The following DOP1A variants were observed in gnomAD, a reference collection of about 807,000 sequenced individuals.
DOP1A encodes protein DOP1A.
A neutral mutation model predicts 267.6 loss-of-function variants in DOP1A; 90 were observed. The ratio of observed to expected loss-of-function variants is 0.34; its 90% CI spans 0.28 to 0.40. DOP1A has a LOEUF of 0.40. Ranked by LOEUF, DOP1A falls within the 10% of genes least tolerant of loss-of-function variation. The pLI, the probability that DOP1A is intolerant of heterozygous loss-of-function variation, is 1.00. For missense variants in DOP1A, 2,437 were observed against 2,900.4 expected, an observed-to-expected ratio of 0.84 and a Z score of 3.67; for synonymous variants, 932 against 999.1, an observed-to-expected ratio of 0.93 and a Z score of 1.27.
At chr6:83,159,596 A>T (rs369265565) in intron 36 of DOP1A, 200 bp from the exon 37 acceptor site, 2 of 633,552 alleles carry the variant, frequency 3.2e-6, no homozygotes, top group South Asian at 2.0e-5. Flanking sequence ...CAGTCTATGT[A>T]CTGTTTTTGC....
At chr6:83,132,389 A>T in intron 18 of DOP1A, 61 bp downstream of exon 18, 1 of 1,449,068 alleles carries the variant, frequency 6.9e-7, no homozygotes, top group Non-Finnish European at 9.3e-7. Context: ...ACACACAAAT[A>T]CTGAAAAGTA....
downstream of DOP1A, chr6:83,170,478 C>A (rs1786872955): frequency 6.2e-7 from 1 of 1,613,154 alleles, no homozygotes. Flanking sequence ...CTGTCTGCAA[C>A]CTAAGTGCAA....
intron 6 of DOP1A, among the ~76,000 whole-genome samples, chr6:83,112,640 T>G (rs1774760314): frequency 6.6e-6 from 1 of 152,076 alleles, no homozygotes; most frequent in African/African-American, 2.4e-5. Context: ...AATTTTTGTG[T>G]TTTTAGTAGA....
At chr6:83,130,590 G>C (rs962128521) in intron 17 of DOP1A, among the ~76,000 whole-genome samples, 193 bp downstream of exon 17, 1 of 152,072 alleles carries the variant, frequency 6.6e-6, no homozygotes, top group Non-Finnish European at 1.5e-5. Flanking sequence ...TCCCAATTTT[G>C]TGAGCAGGGG....
At chr6:83,125,267 A>G in intron 14 of DOP1A, 72 bp downstream of exon 14, 1 of 1,434,820 alleles carries the variant, frequency 7.0e-7, no homozygotes, top group Admixed American at 2.3e-5. Flanking sequence ...TTAGTAATGT[A>G]GCAGATAAAA....
chr6:83,117,501 A>T (rs1175241223), intron 7 of DOP1A, among the ~76,000 whole-genome samples: 2 of 152,164 alleles, frequency 1.3e-5, no homozygotes. Context: ...AGAATATTAA[A>T]AGACATGCAC....
intron 26 of DOP1A, among the ~76,000 whole-genome samples, chr6:83,148,246 T>G (rs1381675332): frequency 6.6e-6 from 1 of 151,944 alleles, no homozygotes; most frequent in Non-Finnish European, 1.5e-5. Flanking sequence ...ACCCTGTCTC[T>G]ACTAAAAATA....
At chr6:83,133,039 A>G (rs1441417240) in intron 18 of DOP1A, among the ~76,000 whole-genome samples, 1 of 152,190 alleles carries the variant, frequency 6.6e-6, no homozygotes, top group Non-Finnish European at 1.5e-5. Flanking sequence ...GTCATAATCA[A>G]AAAAGGAATT....
intron 38 of DOP1A, among the ~76,000 whole-genome samples, chr6:83,164,273 G>C (rs988837776): frequency 6.6e-6 from 1 of 151,632 alleles, no homozygotes; most frequent in African/African-American, 2.4e-5. Flanking sequence ...TAAATTCCTA[G>C]TTGCTTCTGT....
chr6:83,155,116 G>A (rs1782510282), intron 33 of DOP1A, among the ~76,000 whole-genome samples: 1 of 152,086 alleles, frequency 6.6e-6, no homozygotes, highest in East Asian at 1.9e-4. Flanking sequence ...AACTAAAGAA[G>A]CCAACCATGA....
Position 83,122,853 on chromosome 6 carries a change from CTT to C in DOP1A, c.1221-5_1221-4del. ...TTTTTTAGTTTTTGTTTTCTTTTCT[CTT>C]TTTTCAGTAAATTAAGAGAAAATAA... On this transcript the variant is annotated splice_polypyrimidine_tract_variant and splice_region_variant and intron_variant, in intron 11 of 38. Transcript: ENST00000349129. The C allele has an allele frequency of 6.9e-7, 1 of 1,447,554 alleles. No individual in the cohort carries two copies. Among genetic ancestry groups the C allele is most frequent in the Non-Finnish European group, 9.1e-7 (1 of 1,096,370 alleles). The allele number at this position is 1,447,554 out of a possible 1,614,324, so 89.7% of individuals were successfully genotyped here.
chr6:83,138,684 G>A lies in DOP1A; in HGVS notation c.4642G>A (p.Ala1548Thr), dbSNP rs1309451725. The A allele has an allele frequency of 5.6e-6, 9 of 1,613,948 alleles. No individual in the cohort carries two copies. Among genetic ancestry groups the A allele is most frequent in the Non-Finnish European group, 6.8e-6 (8 of 1,179,920 alleles). The stretch of plus-strand genomic sequence containing the variant: ...TCAGAAATGGCATAGTGAAAAAATG[G>A]CAGGTAAGAACCTGGTTGCTGTGGA... ...SAQKWHSEKM[A>T]GKNLVAVEEG... Residue 1548 changes from alanine to threonine, a missense_variant, in exon 21 of 39, where the codon GCA becomes ACA. This residue lies in a region of DOP1A where 878 missense variants were observed against 992.9 expected (regional missense o/e 0.88). Transcript: ENST00000349129.
In DOP1A at chr6:83,124,776, A is replaced by G. The variant is rs190567717; in HGVS notation, c.1412A>G (p.Asn471Ser). 3.4e-5 allele frequency: 55 copies of G among 1,613,282 alleles called. No individual in the cohort carries two copies. The highest frequency in any genetic ancestry group is 4.4e-5 in the Non-Finnish European group (52 of 1,179,574). ...SNDSSELQLT[N>S]FCLLVDFLLD... ...GACTCATCTGAATTACAGCTGACCA[A>G]TTTCTGCTTACTGGTGGATTTTTTG... Residue 471 changes from asparagine (N) to serine (S), a missense_variant, in exon 13 of 39, where the codon AAT becomes AGT. Coordinates refer to ENST00000349129, the MANE Select transcript of DOP1A (RefSeq NM_015018.4).
chr6:83,115,654 G>C (rs368452758), intron 7 of DOP1A, among the ~76,000 whole-genome samples: 3 of 152,190 alleles, frequency 2.0e-5, no homozygotes, highest in African/African-American at 2.4e-5. Context: ...AACCCGGGAG[G>C]GGGAGCTTGC....
chr6:83,075,008 C>G (rs757962449), intron 1 of DOP1A, among the ~76,000 whole-genome samples: 1 of 152,170 alleles, frequency 6.6e-6, no homozygotes, highest in Non-Finnish European at 1.5e-5. Flanking sequence ...CAGTTACCAC[C>G]TGTCTCCTAG....
At chr6:83,085,181 A>G (rs1193742722) in intron 1 of DOP1A, among the ~76,000 whole-genome samples, 3 of 152,206 alleles carry the variant, frequency 2.0e-5, no homozygotes, top group African/African-American at 7.2e-5. Context: ...GAAAAAACAA[A>G]CGAAAATGGT....
At chr6:83,145,786 TCA>T (rs1168686284) in intron 25 of DOP1A, 128 bp downstream of exon 25, 1 of 755,450 alleles carries the variant, frequency 1.3e-6, no homozygotes. Flanking sequence ...CATGTGGCCC[TCA>T]CACTGCTTCA....
intron 4 of DOP1A, among the ~76,000 whole-genome samples, chr6:83,105,913 A>T (rs1773531540): frequency 1.3e-5 from 2 of 152,194 alleles, no homozygotes; most frequent in Admixed American, 1.3e-4. Flanking sequence ...ACCTATTTTT[A>T]TCATTAGTAT....
At chr6:83,071,866 G>C (rs1437418985) in intron 1 of DOP1A, among the ~76,000 whole-genome samples, 1 of 152,080 alleles carries the variant, frequency 6.6e-6, no homozygotes, top group East Asian at 1.9e-4. Context: ...ATCTAAATCA[G>C]AAAACAAGTG....
Sources: allele counts gnomAD v4.1 joint callset (sites outside exome capture counted in the v4.1 genomes callset), GRCh38; gene constraint gnomAD v4.1.1; regional missense constraint gnomAD v4.1.1; transcripts MANE v1.5; gene names NCBI Gene and HGNC (gene_info 2026-07-23, HGNC 2026-07-21).